Variants in WDR72 observed in about 807,000 individuals in gnomAD.
WDR72 encodes the protein WD repeat-containing protein 72.
Under a neutral mutation model 124.2 loss-of-function variants are expected in WDR72, and 120 were observed. The ratio of observed to expected loss-of-function variants is 0.97; its 90% CI spans 0.83 to 1.12. The LOEUF (loss-of-function observed/expected upper bound fraction) is 1.12. Ranked by LOEUF, WDR72 falls within the 50% of genes most tolerant of loss-of-function variation. The pLI, the probability that WDR72 is intolerant of heterozygous loss-of-function variation, is 0.00. For missense variants in WDR72, 1,387 were observed against 1,278.8 expected (o/e 1.08, Z -1.29); for synonymous variants, 452 against 441.7 (o/e 1.02, Z -0.29).
intron 7 of WDR72, among the ~76,000 whole-genome samples, chr15:53,712,211 A>G (rs2017559542): frequency 6.6e-6 from 1 of 152,202 alleles, no homozygotes; most frequent in Non-Finnish European, 1.5e-5. Context: ...ATGCTACTAC[A>G]TATATAATAT....
At chr15:53,658,166 C>G (rs963608848) in intron 14 of WDR72, among the ~76,000 whole-genome samples, 2 of 152,098 alleles carry the variant, frequency 1.3e-5, no homozygotes, top group Non-Finnish European at 2.9e-5. Context: ...TATCTGTAGT[C>G]CTGGGAAAGC....
intron 10 of WDR72, among the ~76,000 whole-genome samples, chr15:53,705,539 C>T (rs59106118): frequency 0.03 from 4,589 of 152,098 alleles, 175 homozygotes; most frequent in African/African-American, 0.087. Context: ...CTCGGCTCAC[C>T]GCAACCTCCA....
At chr15:53,593,309 G>A (rs981320148) in intron 18 of WDR72, among the ~76,000 whole-genome samples, 19 of 151,998 alleles carry the variant, frequency 1.3e-4, no homozygotes, top group Non-Finnish European at 2.5e-4. Flanking sequence ...TTTCTTCCAC[G>A]TTGCAAGTAT....
At chr15:53,753,258 C>A (rs2018817562) in intron 1 of WDR72, among the ~76,000 whole-genome samples, 2 of 152,198 alleles carry the variant, frequency 1.3e-5, no homozygotes, top group African/African-American at 4.8e-5. Flanking sequence ...CTAGAATAAG[C>A]AAATGGCAGG....
rs1035014468 is a variant in WDR72, at chr15:53,722,741, T to C, written c.260+61A>G. 5.0e-5 allele frequency: 72 copies of C among 1,426,246 alleles called. No homozygotes were observed. In the East Asian group the frequency reaches 9.8e-4, roughly 19 times the overall value. 88.3% of individuals were successfully genotyped at this position (1,426,246 alleles called of 1,614,324 possible). ...CCTTCAGCCCTAAAATTGTATTCCA[T>C]TGTAGTTTTTAAAAAGGGAAGGAAA... On this transcript the variant is annotated intron_variant, in intron 3 of 19. Transcript: ENST00000360509.
chr15:53,546,581 G>A (rs1893474426), intron 18 of WDR72, among the ~76,000 whole-genome samples: 1 of 152,008 alleles, frequency 6.6e-6, no homozygotes, highest in Non-Finnish European at 1.5e-5. Context: ...GAGTTAGTGG[G>A]TGCAGCGCAC....
intron 18 of WDR72, among the ~76,000 whole-genome samples, chr15:53,576,555 T>G (rs551609685): frequency 6.6e-6 from 1 of 152,264 alleles, no homozygotes; most frequent in South Asian, 2.1e-4. Flanking sequence ...ACTTATTAGG[T>G]GAAATTTAGA....
chr15:53,651,901 C>T, intron 14 of WDR72: 1 of 152,234 alleles, frequency 6.6e-6, no homozygotes, highest in East Asian at 1.9e-4. Flanking sequence ...GATCTGCCCA[C>T]CTCTGCCTCC....
chr15:53,754,729 C>T (rs972041726), intron 1 of WDR72, among the ~76,000 whole-genome samples: 1 of 152,092 alleles, frequency 6.6e-6, no homozygotes, highest in Admixed American at 6.5e-5. Context: ...TCATTCCACA[C>T]AATAATTCAC....
intron 14 of WDR72, among the ~76,000 whole-genome samples, chr15:53,620,637 A>G (rs2013954304): frequency 6.6e-6 from 1 of 152,146 alleles, no homozygotes; most frequent in South Asian, 2.1e-4. Context: ...CACCTTAAAC[A>G]AAAATCAACC....
At chr15:53,602,844 A>G (rs74901729) in intron 17 of WDR72, among the ~76,000 whole-genome samples, 2,396 of 152,202 alleles carry the variant, frequency 0.016, 42 homozygotes, top group East Asian at 0.076. Flanking sequence ...AGTTAAATAA[A>G]CAGCTTACCA....
chr15:53,539,483 G>A (rs556859709), intron 18 of WDR72, among the ~76,000 whole-genome samples: 1 of 152,022 alleles, frequency 6.6e-6, no homozygotes, highest in Non-Finnish European at 1.5e-5. Flanking sequence ...AGTAGTATAT[G>A]TATTACCTGA....
At chr15:53,700,019 C>A in intron 12 of WDR72, 74 bp from the exon 13 acceptor site, 1 of 1,577,856 alleles carries the variant, frequency 6.3e-7, no homozygotes, top group South Asian at 1.1e-5. Flanking sequence ...ATTTTTTTCT[C>A]CCAGTAACAT....
intron 19 of WDR72, among the ~76,000 whole-genome samples, chr15:53,519,571 TGAATTATTCC>T (rs1456213382): frequency 6.6e-6 from 1 of 152,098 alleles, no homozygotes; most frequent in African/African-American, 2.4e-5. Flanking sequence ...TCTTTGCTAA[TGAATTATTCC>T]GAAGACAAGA....
chr15:53,707,523 T>G (rs998773022), intron 9 of WDR72, among the ~76,000 whole-genome samples: 17 of 152,158 alleles, frequency 1.1e-4, no homozygotes, highest in Middle Eastern at 3.4e-3. Context: ...CTCGGCTCAC[T>G]GCAAGCTCTG....
At chr15:53,644,372 G>A (rs1008922407) in intron 14 of WDR72, among the ~76,000 whole-genome samples, 1 of 151,676 alleles carries the variant, frequency 6.6e-6, no homozygotes, top group African/African-American at 2.4e-5. Flanking sequence ...ATTTCCCCAT[G>A]GGAATTTTAT....
chr15:53,576,267 A>G (rs1374077035), intron 18 of WDR72, among the ~76,000 whole-genome samples: 1 of 152,198 alleles, frequency 6.6e-6, no homozygotes, highest in Non-Finnish European at 1.5e-5. Flanking sequence ...GCCTCTTCAT[A>G]TCTTCCAAGA....
At chr15:53,537,352 T>C (rs1892816963) in intron 18 of WDR72, among the ~76,000 whole-genome samples, 1 of 152,192 alleles carries the variant, frequency 6.6e-6, no homozygotes, top group Non-Finnish European at 1.5e-5. Context: ...CTTATAAGTG[T>C]TTCCTTCAAC....
At chr15:53,548,389 G>T (rs1037103095) in intron 18 of WDR72, among the ~76,000 whole-genome samples, 9 of 152,206 alleles carry the variant, frequency 5.9e-5, no homozygotes, top group Non-Finnish European at 1.0e-4. Context: ...AGCAGGGTTA[G>T]TTTCTGCCAT....
Sources: allele counts gnomAD v4.1 joint callset (sites outside exome capture counted in the v4.1 genomes callset), GRCh38; gene constraint gnomAD v4.1.1; transcripts MANE v1.5; gene names NCBI Gene and HGNC (gene_info 2026-07-23, HGNC 2026-07-21).